The following CTNNBL1 variants were observed in gnomAD, a reference collection of about 807,000 sequenced individuals.
CTNNBL1 encodes beta-catenin-like protein 1.
A neutral mutation model predicts 72.7 loss-of-function variants in CTNNBL1; 31 were observed. The observed-to-expected ratio is 0.43, with a 90% CI of 0.32 to 0.58. The LOEUF (loss-of-function observed/expected upper bound fraction) is 0.58. CTNNBL1 is among the 20% of genes least tolerant of loss of function. The pLI, the probability that CTNNBL1 is intolerant of heterozygous loss-of-function variation, is 0.08. For synonymous variants in CTNNBL1, 240 were observed against 267.3 expected, an observed-to-expected ratio of 0.90 and a Z score of 1.00; for missense variants, 534 against 725.1, an observed-to-expected ratio of 0.74 and a Z score of 3.03.
At chr20:37,769,182 C>T (rs1274092485) in intron 7 of CTNNBL1, among the ~76,000 whole-genome samples, 2 of 152,120 alleles carry the variant, frequency 1.3e-5, no homozygotes, top group Non-Finnish European at 2.9e-5. Flanking sequence ...GGATCCTATC[C>T]CCCACAGATA....
At chr20:37,787,413 C>T (rs928938538) in intron 10 of CTNNBL1, among the ~76,000 whole-genome samples, 5 of 137,644 alleles carry the variant, frequency 3.6e-5, no homozygotes, top group South Asian at 4.6e-4. Flanking sequence ...GGCGGGATCT[C>T]GGCTCACTGC....
chr20:37,731,507 T>C lies in CTNNBL1; in HGVS notation c.31-1372T>C, dbSNP rs886150382. Among the ~76,000 whole-genome samples, 5 of 152,316 alleles carry C rather than the reference T, an allele frequency of 3.3e-5. No homozygotes were observed. In the East Asian group the frequency reaches 9.6e-4, roughly 29 times the overall value. The stretch of plus-strand genomic sequence containing the variant: ...GCCTCAGCCTCCCAAAGTGCTGGGA[T>C]TACAGGTGTGAGCCACCGCACCCGG... On this transcript the variant is annotated intron_variant, in intron 1 of 15. Transcript: ENST00000361383.
chr20:37,751,580 A>G (rs1175715096), intron 4 of CTNNBL1: 1 of 152,228 alleles, frequency 6.6e-6, no homozygotes, highest in East Asian at 1.9e-4. Context: ...TTTTAGACCA[A>G]CAGGGATCAA....
intron 12 of CTNNBL1, among the ~76,000 whole-genome samples, chr20:37,841,172 A>T (rs4811195): frequency 0.82 from 124,189 of 152,210 alleles, 50,720 homozygotes; most frequent in Middle Eastern, 0.89. Context: ...CAGGCAAAGC[A>T]GTTGAAGCTT....
chr20:37,789,043 T>C (rs1479115449), intron 10 of CTNNBL1, among the ~76,000 whole-genome samples: 1 of 152,136 alleles, frequency 6.6e-6, no homozygotes, highest in Non-Finnish European at 1.5e-5. Flanking sequence ...GTTGAGGTGA[T>C]GTTTAAAAGT....
rs147082692 is a variant in CTNNBL1, at chr20:37,737,053, C to G, written c.220-325C>G. On this transcript the variant is annotated intron_variant, in intron 2 of 15. Transcript: ENST00000361383. Reference sequence around the variant, plus strand: ...CCTGGCTAACACGAAGAAACCCTGTCTCTACTAAAAATACAAAAAAATTAG... The same window carrying G: ...CCTGGCTAACACGAAGAAACCCTGTGTCTACTAAAAATACAAAAAAATTAG... Among the ~76,000 whole-genome samples, 649 of 151,912 alleles carry G rather than the reference C, an allele frequency of 4.3e-3. 2 individuals carry two copies. The highest frequency in any genetic ancestry group is 7.5e-3 in the Non-Finnish European group (512 of 67,952).
At chr20:37,728,125 G>T (rs1329125973) in intron 1 of CTNNBL1, among the ~76,000 whole-genome samples, 2 of 152,144 alleles carry the variant, frequency 1.3e-5, no homozygotes, top group Admixed American at 1.3e-4. Context: ...CCCTAGGCCT[G>T]TGCTGTTCAG....
chr20:37,828,178 T>A (rs557564129), intron 11 of CTNNBL1, among the ~76,000 whole-genome samples: 9 of 152,324 alleles, frequency 5.9e-5, no homozygotes, highest in Admixed American at 1.3e-4. Flanking sequence ...AAGGTACAGA[T>A]ACGACTGAGA....
In CTNNBL1 at chr20:37,814,159, C is replaced by T. The variant is rs577814844; in HGVS notation, c.1213+11111C>T. On this transcript the variant is annotated intron_variant, in intron 11 of 15. Coordinates refer to ENST00000361383, the MANE Select transcript of CTNNBL1 (RefSeq NM_030877.5). ...GAACCTAGGATTTTCCTGCAGCTTCCAAAAACTGAATCACAAGCAGTGCAC... is the reference window on the plus strand; with the variant it reads ...GAACCTAGGATTTTCCTGCAGCTTCTAAAAACTGAATCACAAGCAGTGCAC... 3.3e-5 allele frequency among the ~76,000 whole-genome samples: 5 copies of T among 152,240 alleles called. No individual in the cohort carries two copies. The South Asian group carries it at 1.0e-3, about 32-fold the overall frequency.
chr20:37,728,778 T>A (rs1401196171), intron 1 of CTNNBL1, among the ~76,000 whole-genome samples: 2 of 152,206 alleles, frequency 1.3e-5, no homozygotes, highest in Non-Finnish European at 2.9e-5. Context: ...TAGCAGAGCA[T>A]TGTAATGGGT....
chr20:37,718,962 G>A (rs6020453), intron 1 of CTNNBL1, among the ~76,000 whole-genome samples: 13 of 152,236 alleles, frequency 8.5e-5, no homozygotes, highest in African/African-American at 2.4e-4. Flanking sequence ...CTATGGCTTC[G>A]GGCTCAAGTA....
chr20:37,842,212 C>A, intron 12 of CTNNBL1, 127 bp from the exon 13 acceptor site: 1 of 690,654 alleles, frequency 1.4e-6, no homozygotes, highest in Non-Finnish European at 2.6e-6. Context: ...CTCTCATCCG[C>A]TGTAAGGAGT....
At chr20:37,861,992 A>G (rs2072495381) in intron 15 of CTNNBL1, among the ~76,000 whole-genome samples, 1 of 152,168 alleles carries the variant, frequency 6.6e-6, no homozygotes, top group Admixed American at 6.5e-5. Context: ...GGGGCTGGAA[A>G]TCTCGTGTCT....
At chr20:37,721,560 C>G (rs1041499043) in intron 1 of CTNNBL1, among the ~76,000 whole-genome samples, 2 of 152,144 alleles carry the variant, frequency 1.3e-5, no homozygotes. Flanking sequence ...ACCATTTTGC[C>G]AAATTTACTT....
At chr20:37,701,784 C>T (rs2072845603) in intron 1 of CTNNBL1, among the ~76,000 whole-genome samples, 1 of 152,086 alleles carries the variant, frequency 6.6e-6, no homozygotes, top group African/African-American at 2.4e-5. Context: ...GTCATCTCAG[C>T]TGCAGATGTG....
intron 7 of CTNNBL1, among the ~76,000 whole-genome samples, chr20:37,776,201 A>G (rs951017491): frequency 2.0e-5 from 3 of 152,228 alleles, no homozygotes; most frequent in Admixed American, 2.0e-4. Context: ...AAGACCTTGC[A>G]TTTATAGATC....
chr20:37,784,848 G>A (rs976811434), intron 10 of CTNNBL1, among the ~76,000 whole-genome samples: 1 of 152,168 alleles, frequency 6.6e-6, no homozygotes, highest in Non-Finnish European at 1.5e-5. Context: ...ACCTTCAGGT[G>A]ATTTCTTATT....
intron 10 of CTNNBL1, among the ~76,000 whole-genome samples, chr20:37,801,083 CTT>C (rs1458270187): frequency 2.0e-5 from 3 of 152,210 alleles, no homozygotes; most frequent in Admixed American, 6.5e-5. Flanking sequence ...CTCAATTTCT[CTT>C]TGTCTCCTGC....
At chr20:37,781,670 AT>A (rs1215465447) in intron 10 of CTNNBL1, among the ~76,000 whole-genome samples, 1 of 151,938 alleles carries the variant, frequency 6.6e-6, no homozygotes, top group Non-Finnish European at 1.5e-5. Context: ...TTGGGATGGA[AT>A]TTTTTTTCCA....
Sources: allele counts gnomAD v4.1 joint callset (sites outside exome capture counted in the v4.1 genomes callset), GRCh38; gene constraint gnomAD v4.1.1; transcripts MANE v1.5; gene names NCBI Gene and HGNC (gene_info 2026-07-23, HGNC 2026-07-21).